BRF1: variants seen among roughly 807,000 people sequenced by gnomAD.
The protein encoded by BRF1 is BRF1 general transcription factor IIIB subunit, also known as transcription factor IIIB 90 kDa subunit.
A neutral mutation model predicts 81.7 loss-of-function variants in BRF1; 59 were observed. The ratio of observed to expected loss-of-function variants is 0.72; its 90% CI spans 0.59 to 0.90. The LOEUF (loss-of-function observed/expected upper bound fraction) is 0.90, where lower values mean the gene tolerates loss of function less well. BRF1 is among the 40% of genes least tolerant of loss of function. BRF1 has a pLI of 0.00. For synonymous variants in BRF1, 491 were observed against 395.6 expected (o/e 1.24, Z -2.86); for missense variants, 1,050 against 936.3 (o/e 1.12, Z -1.58).
intron 11 of BRF1, 36 bp from the exon 12 acceptor site, chr14:105,220,166 C>T: frequency 6.2e-7 from 1 of 1,611,892 alleles, no homozygotes; most frequent in Non-Finnish European, 8.5e-7. Flanking sequence ...CACTCAGGGC[C>T]AGCACTGATT....
chr14:105,260,745 A>T (rs184130807), intron 3 of BRF1, among the ~76,000 whole-genome samples: 1 of 152,356 alleles, frequency 6.6e-6, no homozygotes, highest in African/African-American at 2.4e-5. Flanking sequence ...TTAAACATTT[A>T]ACGAAGTTAG....
chr14:105,261,964 C>A (rs746748575), intron 3 of BRF1, among the ~76,000 whole-genome samples: 3 of 152,256 alleles, frequency 2.0e-5, no homozygotes, highest in Admixed American at 2.0e-4. Context: ...TGCTCCTCAC[C>A]GGCAGCCAAC....
chr14:105,249,984 A>C, intron 5 of BRF1: 1 of 1,612,676 alleles, frequency 6.2e-7, no homozygotes. Flanking sequence ...AACTGGGCCG[A>C]GGCGGAGTGC....
chr14:105,312,166 C>A (rs898331648), intron 1 of BRF1, among the ~76,000 whole-genome samples: 5 of 152,218 alleles, frequency 3.3e-5, no homozygotes, highest in Non-Finnish European at 7.3e-5. Flanking sequence ...TGGCGCCCGA[C>A]TGGAAAAGCC....
intron 5 of BRF1, chr14:105,248,395 G>T: frequency 1.0e-6 from 1 of 985,332 alleles, no homozygotes; most frequent in Non-Finnish European, 1.2e-6. Flanking sequence ...GCCAGCGCCG[G>T]GAGCCGCCTT....
chr14:105,258,467 C>A (rs1461126142), intron 3 of BRF1, among the ~76,000 whole-genome samples: 1 of 146,040 alleles, frequency 6.8e-6, no homozygotes, highest in African/African-American at 2.5e-5. Context: ...CCAGCCTGGG[C>A]GACAGAGCGA....
chr14:105,219,902 G>A (rs959051116), intron 12 of BRF1, 167 bp downstream of exon 12: 15 of 512,764 alleles, frequency 2.9e-5, no homozygotes, highest in East Asian at 3.8e-5. Flanking sequence ...AAGAGAGTGT[G>A]GGGGGGGGTC....
At chr14:105,222,182 T>C (rs907892530) in intron 10 of BRF1, 28 of 421,180 alleles carry the variant, frequency 6.6e-5, no homozygotes, top group Middle Eastern at 5.9e-4. Context: ...TGACCTTGGA[T>C]AAGGCAAACA....
In BRF1 at chr14:105,209,541, C is replaced by T; in HGVS notation, c.*1010G>A. 1 of 702,672 alleles carries T rather than the reference C, an allele frequency of 1.4e-6. No homozygotes were observed. The highest frequency in any genetic ancestry group is 2.6e-6 in the Non-Finnish European group (1 of 384,896). 43.5% of individuals were successfully genotyped at this position (702,672 alleles called of 1,614,324 possible). On this transcript the variant is annotated 3_prime_UTR_variant, in exon 18 of 18. Coordinates refer to ENST00000547530, the MANE Select transcript of BRF1 (RefSeq NM_001519.4). ...GGACACAGGGTGAAGCCCCCTCGGC[C>T]ACATCCGGGGCAGCCATGCCAGAGC... is the stretch of plus-strand genomic sequence containing the variant.
intron 15 of BRF1, chr14:105,213,359 GCC>G (rs1890466600): frequency 6.6e-6 from 1 of 152,140 alleles, no homozygotes; most frequent in African/African-American, 2.4e-5. Context: ...AGGCCAGCAG[GCC>G]CCCATTGAGA....
intron 3 of BRF1, among the ~76,000 whole-genome samples, chr14:105,272,133 C>T (rs1326365693): frequency 8.0e-6 from 1 of 124,660 alleles, no homozygotes; most frequent in Non-Finnish European, 1.8e-5. Flanking sequence ...GGGGCCTCCT[C>T]GCCCACCGCC....
At chr14:105,223,886 CCTT>C (rs1045581365) in intron 10 of BRF1, among the ~76,000 whole-genome samples, 6 of 152,368 alleles carry the variant, frequency 3.9e-5, no homozygotes, top group Middle Eastern at 3.4e-3. Context: ...GACTCCTCCT[CCTT>C]GAGCTACGTG....
In BRF1 at chr14:105,209,535, C is replaced by G. The variant is rs189190499; in HGVS notation, c.*1016G>C. ...TCCTAAGGACACAGGGTGAAGCCCCCTCGGCCACATCCGGGGCAGCCATGC... is the reference window on the plus strand; with the variant it reads ...TCCTAAGGACACAGGGTGAAGCCCCGTCGGCCACATCCGGGGCAGCCATGC... On this transcript the variant is annotated 3_prime_UTR_variant, in exon 18 of 18. Coordinates refer to ENST00000547530, the MANE Select transcript of BRF1 (RefSeq NM_001519.4). The G allele has an allele frequency of 1.0e-5, 7 of 702,538 alleles. No individual in the cohort carries two copies. Among genetic ancestry groups the G allele is most frequent in the East Asian group, 8.0e-5 (3 of 37,276 alleles). 43.5% of individuals were successfully genotyped at this position (702,538 alleles called of 1,614,324 possible).
chr14:105,257,382 C>T (rs1232122409), intron 3 of BRF1, among the ~76,000 whole-genome samples: 2 of 152,184 alleles, frequency 1.3e-5, no homozygotes, highest in Admixed American at 6.5e-5. Flanking sequence ...GCAAGAACCT[C>T]GCAAGCAATC....
At chr14:105,268,493 G>A (rs978888577) in intron 3 of BRF1, among the ~76,000 whole-genome samples, 2 of 152,274 alleles carry the variant, frequency 1.3e-5, no homozygotes, top group South Asian at 4.1e-4. Flanking sequence ...GAGGAGGTGT[G>A]TGTGCACAGC....
intron 3 of BRF1, among the ~76,000 whole-genome samples, chr14:105,256,940 G>GA (rs1038561053): frequency 4.6e-5 from 7 of 152,184 alleles, no homozygotes; most frequent in African/African-American, 1.7e-4. Context: ...ACACAGCACA[G>GA]AAGAGACAGT....
In BRF1 at chr14:105,211,239, C is replaced by T. The variant is rs1261803592; in HGVS notation, c.1879G>A (p.Val627Met). ...LGAEPARPQA[V>M]LVESGPVSYH... Reference sequence around the variant, plus strand: ...GACACGGGCCCGCTCTCCACCAGCACCGCCTGGGGCCTGGCAGGCTCAGCT... The same window carrying T: ...GACACGGGCCCGCTCTCCACCAGCATCGCCTGGGGCCTGGCAGGCTCAGCT... Residue 627 changes from valine to methionine, a missense_variant, in exon 17 of 18, where the codon GTG becomes ATG. Val to Met is a conservative substitution (Grantham distance 21, BLOSUM62 1). Around this residue, in one of 2 missense-constraint regions of BRF1, gnomAD observed 1,043 missense variants for 915.4 expected, o/e 1.14. Transcript: ENST00000547530. 1 of 1,609,604 alleles carries T rather than the reference C, an allele frequency of 6.2e-7. No individual in the cohort carries two copies.
chr14:105,214,691 T>C (rs1420749656), intron 15 of BRF1, among the ~76,000 whole-genome samples: 1 of 152,242 alleles, frequency 6.6e-6, no homozygotes, highest in East Asian at 1.9e-4. Context: ...CTCAGGCTGG[T>C]TCCCCCACAG....
chr14:105,248,987 G>T, intron 5 of BRF1: 1 of 988,314 alleles, frequency 1.0e-6, no homozygotes, highest in Non-Finnish European at 1.2e-6. Context: ...GCGCCCCCGC[G>T]CCAGCGCCGC....
Sources: gnomAD v4.1 joint callset for allele counts (sites outside exome capture counted in the v4.1 genomes callset) on GRCh38, gnomAD v4.1.1 for gene constraint, gnomAD v4.1.1 regional missense constraint, MANE v1.5 for transcripts, NCBI Gene and HGNC (gene_info 2026-07-23, HGNC 2026-07-21) for gene names.